The following RPL31 variants were observed in gnomAD, a reference collection of about 807,000 sequenced individuals.
RPL31 encodes ribosomal protein L31, also known as large ribosomal subunit protein eL31.
For missense variants in RPL31, 95 were observed against 164.0 expected (o/e 0.58, Z 2.30); for synonymous variants, 51 against 55.0 (o/e 0.93, Z 0.32).
intron 4 of RPL31, chr2:101,018,239 T>A (rs1679799204): frequency 4.2e-6 from 1 of 240,568 alleles, no homozygotes; most frequent in African/African-American, 2.2e-5. Flanking sequence ...ATTTGTGACC[T>A]CCTTTTTTCC....
downstream of RPL31, among the ~76,000 whole-genome samples, chr2:101,009,406 CAAA>C (rs70943054): frequency 2.0e-5 from 2 of 97,742 alleles, no homozygotes; most frequent in Admixed American, 1.0e-4. Context: ...ACTCTGTCTC[CAAA>C]AAAAAAAAAA....
chr2:101,007,732 GA>G, downstream of RPL31: 1 of 1,383,900 alleles, frequency 7.2e-7, no homozygotes, highest in South Asian at 1.4e-5. Context: ...AAGGTAGACT[GA>G]AATCTCGGTT....
chr2:101,007,445 T>G (rs541871512), downstream of RPL31, among the ~76,000 whole-genome samples: 2 of 152,178 alleles, frequency 1.3e-5, no homozygotes, highest in Non-Finnish European at 2.9e-5. Context: ...ATTCCTGACC[T>G]CTCCCATTGT....
At chr2:101,006,143 A>T in intron 4 of RPL31, 72 bp downstream of exon 4, 2 of 1,567,932 alleles carry the variant, frequency 1.3e-6, no homozygotes, top group Non-Finnish European at 8.6e-7. Context: ...ATGTGAATTC[A>T]TCTGTTAAGC....
intron 3 of RPL31, 138 bp downstream of exon 3, chr2:101,004,421 C>A: frequency 1.1e-6 from 1 of 902,254 alleles, no homozygotes; most frequent in Non-Finnish European, 1.6e-6. Flanking sequence ...GTGACCGTGA[C>A]TTAGGGTGTG....
At chr2:101,014,094 A>G (rs1218767035) in intron 4 of RPL31, among the ~76,000 whole-genome samples, 1 of 152,172 alleles carries the variant, frequency 6.6e-6, no homozygotes, top group East Asian at 1.9e-4. Flanking sequence ...CATACATCCA[A>G]TTTCTTAGTG....
Position 101,006,509 on chromosome 2 carries a change from G to C in RPL31, c.*128G>C, listed in dbSNP as rs1217873722. 1.1e-6 allele frequency: 1 copy of C among 917,470 alleles called. No homozygotes were observed. The highest frequency in any genetic ancestry group is 2.8e-5 in the East Asian group (1 of 35,824). The allele number at this position is 917,470 out of a possible 1,614,324, so 56.8% of individuals were successfully genotyped here. Reference sequence around the variant, plus strand: ...TCATTTGAAGAGCTTTTCCCAAATTGATGGCCTGTGCTGCCTTCTCCCCAT... The same window carrying C: ...TCATTTGAAGAGCTTTTCCCAAATTCATGGCCTGTGCTGCCTTCTCCCCAT... On this transcript the variant is annotated 3_prime_UTR_variant, in exon 5 of 5. Transcript: ENST00000264258.
chr2:101,012,027 TA>T (rs1679254520), downstream of RPL31, among the ~76,000 whole-genome samples: 1 of 152,162 alleles, frequency 6.6e-6, no homozygotes, highest in Non-Finnish European at 1.5e-5. Flanking sequence ...AGAAAAGCCT[TA>T]GTGAATTCAA....
At chr2:101,004,803 A>T (rs910330132) in intron 3 of RPL31, 9 of 154,322 alleles carry the variant, frequency 5.8e-5, no homozygotes, top group African/African-American at 2.2e-4. Context: ...CCCTCAACAA[A>T]AAATTGCCTA....
Position 101,004,124 on chromosome 2 carries a change from T to C in RPL31, c.108-34T>C, listed in dbSNP as rs1301109148. 1.9e-6 allele frequency: 3 copies of C among 1,600,534 alleles called. No individual in the cohort carries two copies. In the African/African-American group the frequency reaches 4.0e-5, roughly 22 times the overall value. Reference sequence around the variant, plus strand: ...ACATGTACCTAATTTAGTTTTGTGCTCCTTTAATTTGTTCACTTATGTTTG... The same window carrying C: ...ACATGTACCTAATTTAGTTTTGTGCCCCTTTAATTTGTTCACTTATGTTTG... On this transcript the variant is annotated intron_variant, in intron 2 of 4. Coordinates refer to ENST00000264258, the MANE Select transcript of RPL31 (RefSeq NM_000993.5).
intron 4 of RPL31, chr2:101,017,890 T>G: frequency 6.4e-7 from 1 of 1,550,960 alleles, no homozygotes; most frequent in Non-Finnish European, 8.7e-7. Context: ...TCAAAACAGA[T>G]TGTCACCATC....
rs1573832346 is a variant in RPL31 at position 101,002,610 on chromosome 2, G to A, written c.1-92G>A. 4.7e-6 allele frequency: 5 copies of A among 1,068,348 alleles called. No homozygotes were observed. In the East Asian group the frequency reaches 1.2e-4, roughly 26 times the overall value. 66.2% of individuals were successfully genotyped at this position (1,068,348 alleles called of 1,614,324 possible). On this transcript the variant is annotated intron_variant, in intron 1 of 4. Transcript: ENST00000264258. ...CTGGCCAGACTCTCAGCACCTGGAA[G>A]CGCCCCGAGAGTGACAGCGTGAGGC...
At chr2:101,017,941 T>C in intron 4 of RPL31, 6 of 1,550,362 alleles carry the variant, frequency 3.9e-6, no homozygotes, top group Non-Finnish European at 4.4e-6. Context: ...AATGGCATTT[T>C]CTTCTCTACT....
intron 4 of RPL31, among the ~76,000 whole-genome samples, chr2:101,014,982 CAT>C (rs1188262773): frequency 4.2e-5 from 6 of 141,388 alleles, no homozygotes; most frequent in Non-Finnish European, 7.8e-5. Flanking sequence ...TTTATAGAGT[CAT>C]GTGTCAATGA....
In RPL31 at chr2:101,006,624, TA is replaced by T. The variant is rs1289056606; in HGVS notation, c.*244del. The T allele has an allele frequency of 1.4e-5, 6 of 427,134 alleles. No homozygotes were observed. Among genetic ancestry groups the T allele is most frequent in the Non-Finnish European group, 2.5e-5 (6 of 243,290 alleles). The allele number at this position is 427,134 out of a possible 1,614,324, so 26.5% of individuals were successfully genotyped here. Reference sequence around the variant, plus strand: ...GGGATACTGAAGGCATATTGTTAATTATTCTACTTGTATGTTTTGCTAATTC... The same window carrying T: ...GGGATACTGAAGGCATATTGTTAATTTTCTACTTGTATGTTTTGCTAATTC... On this transcript the variant is annotated 3_prime_UTR_variant, in exon 5 of 5. Coordinates refer to ENST00000264258, the MANE Select transcript of RPL31 (RefSeq NM_000993.5).
intron 4 of RPL31, among the ~76,000 whole-genome samples, chr2:101,015,074 A>G (rs1679516785): frequency 6.6e-6 from 1 of 152,244 alleles, no homozygotes; most frequent in Non-Finnish European, 1.5e-5. Flanking sequence ...ACACGAACCT[A>G]GATGCTGTAG....
chr2:101,008,845 G>A (rs559260110), downstream of RPL31, among the ~76,000 whole-genome samples: 8 of 152,118 alleles, frequency 5.3e-5, no homozygotes, highest in South Asian at 4.1e-4. Flanking sequence ...GCAACGTACA[G>A]ATTTATCTGT....
At position 101,006,332 on chromosome 2, in the gene RPL31, C is replaced by A; in HGVS notation, c.347-18C>A. ...AATGTGATGTGGGTATGGAAATTGA[C>A]TGTTACTTCCTTTACAGATCTACAG... On this transcript the variant is annotated intron_variant, in intron 4 of 4. Coordinates refer to ENST00000264258, the MANE Select transcript of RPL31 (RefSeq NM_000993.5). 12 of 1,607,180 alleles carry A rather than the reference C, an allele frequency of 7.5e-6. No homozygotes were observed. Among genetic ancestry groups the A allele is most frequent in the Non-Finnish European group, 1.0e-5 (12 of 1,177,536 alleles).
intron 2 of RPL31, among the ~76,000 whole-genome samples, chr2:101,003,907 A>G (rs998663763): frequency 6.6e-6 from 1 of 152,170 alleles, no homozygotes; most frequent in African/African-American, 2.4e-5. Flanking sequence ...CACTGGTGGG[A>G]AAAAAGGATT....
Sources: allele counts gnomAD v4.1 joint callset (sites outside exome capture counted in the v4.1 genomes callset), GRCh38; gene constraint gnomAD v4.1.1; transcripts MANE v1.5; gene names NCBI Gene and HGNC (gene_info 2026-07-23, HGNC 2026-07-21).